GNB4: variants seen among roughly 807,000 people sequenced by gnomAD.
GNB4 encodes guanine nucleotide-binding protein subunit beta-4.
In GNB4, 28 loss-of-function variants were observed where a neutral mutation model predicts 45.2. The observed-to-expected ratio is 0.62, with a 90% CI of 0.46 to 0.85. The LOEUF (loss-of-function observed/expected upper bound fraction) is 0.85. Among genes scored for constraint, GNB4 ranks in the 40% least tolerant of loss-of-function variants. The pLI, the probability that GNB4 is intolerant of heterozygous loss-of-function variation, is 0.00. For synonymous variants in GNB4, 132 were observed against 143.7 expected (o/e 0.92, Z 0.58); for missense variants, 321 against 425.4 (o/e 0.75, Z 2.16).
the GNB4 span, among the ~76,000 whole-genome samples, chr3:179,522,405 G>A: frequency 1.4e-4 from 21 of 152,130 alleles, no homozygotes; most frequent in Non-Finnish European, 2.8e-4. Context: ...GACTCAGCCC[G>A]CCTGCACCCA....
intron 1 of GNB4, among the ~76,000 whole-genome samples, chr3:179,426,564 T>C (rs1288484472): frequency 6.6e-6 from 1 of 152,098 alleles, no homozygotes; most frequent in Non-Finnish European, 1.5e-5. Context: ...ACTTCCCCAC[T>C]TGGATGTCTG....
At chr3:179,486,372 C>T in the GNB4 span, among the ~76,000 whole-genome samples, 1 of 152,002 alleles carries the variant, frequency 6.6e-6, no homozygotes, top group South Asian at 2.1e-4. Context: ...GTGGACATTT[C>T]TTTGCTGATT....
the GNB4 span, among the ~76,000 whole-genome samples, chr3:179,496,823 G>C: frequency 3.3e-5 from 5 of 151,984 alleles, no homozygotes; most frequent in African/African-American, 1.2e-4. Context: ...CTCAACATCA[G>C]AATGCCTCAA....
rs1455733483 is a variant in GNB4 at position 179,398,156 on chromosome 3, A to G, written c.*3057T>C. ...ATCTCAAAAAACTACTCTTCTTGAC[A>G]TGCTACAGAGTCAACAAATTAACCT... On this transcript the variant is annotated 3_prime_UTR_variant, in exon 10 of 10. Transcript: ENST00000232564. 1 of 152,194 alleles carries G rather than the reference A, an allele frequency of 6.6e-6. No individual in the cohort carries two copies. The highest frequency in any genetic ancestry group is 1.5e-5 in the Non-Finnish European group (1 of 68,044). 9.4% of individuals were successfully genotyped at this position (152,194 alleles called of 1,614,324 possible). A position where few individuals can be genotyped will look rare whatever the true frequency, so the allele number is the denominator to read the frequency against.
At chr3:179,517,380 ACTG>A in the GNB4 span, among the ~76,000 whole-genome samples, 5 of 151,906 alleles carry the variant, frequency 3.3e-5, no homozygotes, top group African/African-American at 1.2e-4. Flanking sequence ...CCCTTCGCTG[ACTG>A]TCTTTTCGGA....
the GNB4 span, among the ~76,000 whole-genome samples, chr3:179,484,038 T>C: frequency 6.6e-6 from 1 of 152,324 alleles, no homozygotes; most frequent in East Asian, 1.9e-4. Flanking sequence ...CCTCATTTAG[T>C]AGTTATGGGC....
intron 2 of GNB4, among the ~76,000 whole-genome samples, chr3:179,425,687 TC>T (rs1715124267): frequency 6.6e-6 from 1 of 152,244 alleles, no homozygotes; most frequent in Non-Finnish European, 1.5e-5. Flanking sequence ...GCCAGGCTGG[TC>T]TTGAACTCCT....
chr3:179,470,563 T>G, the GNB4 span, among the ~76,000 whole-genome samples: 4 of 151,006 alleles, frequency 2.6e-5, no homozygotes, highest in African/African-American at 4.8e-5. Flanking sequence ...TATAATTTTT[T>G]TAATGGAGCC....
chr3:179,477,142 T>G, the GNB4 span, among the ~76,000 whole-genome samples: 4 of 152,188 alleles, frequency 2.6e-5, no homozygotes, highest in Admixed American at 2.0e-4. Flanking sequence ...CCCTTCTGTA[T>G]GTACTAATCA....
At chr3:179,461,795 TTTTC>T in the GNB4 span, among the ~76,000 whole-genome samples, 2 of 152,224 alleles carry the variant, frequency 1.3e-5, no homozygotes, top group African/African-American at 2.4e-5. Flanking sequence ...TTCATTGAAG[TTTTC>T]TTTGTGTGTA....
At chr3:179,509,935 C>T in the GNB4 span, among the ~76,000 whole-genome samples, 1 of 152,198 alleles carries the variant, frequency 6.6e-6, no homozygotes, top group South Asian at 2.1e-4. Context: ...GTGATCCTCC[C>T]ACCTCAGCCT....
chr3:179,467,745 T>A, the GNB4 span, among the ~76,000 whole-genome samples: 4 of 152,118 alleles, frequency 2.6e-5, no homozygotes, highest in Admixed American at 2.6e-4. Flanking sequence ...GAAGGTAAAA[T>A]GACTGATCTT....
Position 179,399,770 on chromosome 3 carries a change from G to GT in GNB4, c.*1442dup, listed in dbSNP as rs1354461963. 1.3e-5 allele frequency: 2 copies of GT among 152,126 alleles called. No individual in the cohort carries two copies. The highest frequency in any genetic ancestry group is 4.8e-5 in the African/African-American group (2 of 41,434). The allele number at this position is 152,126 out of a possible 1,614,324, so 9.4% of individuals were successfully genotyped here. A position where few individuals can be genotyped will look rare whatever the true frequency, so the allele number is the denominator to read the frequency against. On this transcript the variant is annotated 3_prime_UTR_variant, in exon 10 of 10. Transcript: ENST00000232564. ...AAGTTAACACAGACCTATCTGAAAAGTAACTAAGTTACAAAACAATGCACG... is the reference window on the plus strand; with the variant it reads ...AAGTTAACACAGACCTATCTGAAAAGTTAACTAAGTTACAAAACAATGCACG...
At position 179,402,922 on chromosome 3, in the gene GNB4, G is replaced by A. The variant is rs192282671; in HGVS notation, c.917-1603C>T. 2.1e-3 allele frequency among the ~76,000 whole-genome samples: 316 copies of A among 152,314 alleles called. 2 individuals carry two copies. The highest frequency in any genetic ancestry group is 7.0e-3 in the African/African-American group (292 of 41,552). ...AGGCCAGAGACTCACTCAGAGGAAA[G>A]GGTAAAACAGGGTCTCCTGACTGGA... is the stretch of plus-strand genomic sequence containing the variant. On this transcript the variant is annotated intron_variant, in intron 9 of 9. Coordinates refer to ENST00000232564, the MANE Select transcript of GNB4 (RefSeq NM_021629.4).
intron 1 of GNB4, among the ~76,000 whole-genome samples, chr3:179,442,845 G>A (rs528974846): frequency 3.9e-4 from 60 of 152,200 alleles, no homozygotes; most frequent in African/African-American, 1.4e-3. Context: ...GCCTAGGCCT[G>A]TCTTGACATC....
At chr3:179,407,748 C>T (rs893966093) in intron 8 of GNB4, among the ~76,000 whole-genome samples, 7 of 144,786 alleles carry the variant, frequency 4.8e-5, no homozygotes, top group South Asian at 2.3e-4. Flanking sequence ...TCAGCAGAGC[C>T]GTGTGAGAAA....
rs1350978133 is a variant in GNB4 at position 179,415,097 on chromosome 3, T to C, written c.268-50A>G. ...CTCAGATTACAAAAACAGTCATCTA[T>C]TGCATAAACCCATTTACAATGAAGT... is the stretch of plus-strand genomic sequence containing the variant. On this transcript the variant is annotated intron_variant, in intron 5 of 9. Coordinates refer to ENST00000232564, the MANE Select transcript of GNB4 (RefSeq NM_021629.4). The C allele has an allele frequency of 2.1e-6, 3 of 1,402,488 alleles. No homozygotes were observed. The African/African-American group carries it at 4.2e-5, about 20-fold the overall frequency. 86.9% of individuals were successfully genotyped at this position (1,402,488 alleles called of 1,614,324 possible). A position where few individuals can be genotyped will look rare whatever the true frequency, so the allele number is the denominator to read the frequency against.
At chr3:179,461,396 C>A in the GNB4 span, among the ~76,000 whole-genome samples, 11 of 151,746 alleles carry the variant, frequency 7.2e-5, no homozygotes, top group East Asian at 2.1e-3. Context: ...ACTCGGGAGG[C>A]TGAGGCAGGA....
chr3:179,405,534 T>A, intron 8 of GNB4, 128 bp from the exon 9 acceptor site: 1 of 606,700 alleles, frequency 1.6e-6, no homozygotes, highest in Non-Finnish European at 2.9e-6. Flanking sequence ...TGTTGGGCAC[T>A]AAAGATTCTT....
Sources: gnomAD v4.1 joint callset for allele counts (sites outside exome capture counted in the v4.1 genomes callset) on GRCh38, gnomAD v4.1.1 for gene constraint, MANE v1.5 for transcripts, NCBI Gene and HGNC (gene_info 2026-07-23, HGNC 2026-07-21) for gene names.